MATN2: variants seen among roughly 807,000 people sequenced by gnomAD.
MATN2 encodes matrilin-2.
MATN2 carries 69 observed loss-of-function variants against 103.2 expected under a neutral mutation model. The observed-to-expected ratio is 0.67, with a 90% CI of 0.55 to 0.82. The LOEUF (loss-of-function observed/expected upper bound fraction) is 0.82, where lower values mean the gene tolerates loss of function less well. MATN2 is among the 40% of genes least tolerant of loss of function. The probability of loss-of-function intolerance (pLI) is 0.00; values close to 1 mark genes in which losing one functional copy is unlikely to be tolerated. For synonymous variants in MATN2, 429 were observed against 450.2 expected (o/e 0.95, Z 0.60); for missense variants, 1,023 against 1,211.5 (o/e 0.84, Z 2.31).
intron 6 of MATN2, among the ~76,000 whole-genome samples, chr8:97,990,255 A>G (rs905054242): frequency 6.6e-6 from 1 of 152,116 alleles, no homozygotes; most frequent in South Asian, 2.1e-4. Flanking sequence ...ACTTCACCAA[A>G]GAATATATAG....
intron 7 of MATN2, among the ~76,000 whole-genome samples, chr8:98,003,330 C>A (rs1164527751): frequency 6.6e-6 from 1 of 151,992 alleles, no homozygotes; most frequent in Non-Finnish European, 1.5e-5. Flanking sequence ...GGCCTTATCT[C>A]TTCTTGGAAG....
At chr8:97,970,080 C>G (rs112167475) in intron 5 of MATN2, among the ~76,000 whole-genome samples, 6 of 152,170 alleles carry the variant, frequency 3.9e-5, no homozygotes, top group South Asian at 2.1e-4. Flanking sequence ...TGTTATAGCT[C>G]CATGACTGCT....
chr8:97,890,255 A>G (rs375409538), intron 2 of MATN2, among the ~76,000 whole-genome samples: 18 of 152,166 alleles, frequency 1.2e-4, no homozygotes, highest in Middle Eastern at 3.2e-3. Flanking sequence ...TCACAAGGTC[A>G]GGAGTTCGAG....
intron 2 of MATN2, among the ~76,000 whole-genome samples, chr8:97,909,755 G>A (rs1819300418): frequency 2.6e-5 from 4 of 152,150 alleles, no homozygotes; most frequent in South Asian, 2.1e-4. Context: ...AGAGAGATGG[G>A]AGCCATTGGT....
At chr8:98,034,714 T>G (rs2513812) in intron 18 of MATN2, among the ~76,000 whole-genome samples, 2,281 of 152,234 alleles carry the variant, frequency 0.015, 33 homozygotes, top group Non-Finnish European at 0.023. Context: ...AGGTCAGAAT[T>G]CCTCAAAACC....
At chr8:97,951,796 CTTGT>C (rs972647146) in intron 4 of MATN2, among the ~76,000 whole-genome samples, 2 of 152,136 alleles carry the variant, frequency 1.3e-5, no homozygotes, top group African/African-American at 4.8e-5. Flanking sequence ...TATTTTAGAA[CTTGT>C]TTCAGAGATT....
intron 2 of MATN2, among the ~76,000 whole-genome samples, chr8:97,917,109 C>T (rs1467472516): frequency 6.6e-6 from 1 of 152,132 alleles, no homozygotes; most frequent in East Asian, 1.9e-4. Flanking sequence ...CTTTAGGGAG[C>T]ATCCTTGCTA....
chr8:98,012,761 A>G (rs975519564), intron 10 of MATN2, among the ~76,000 whole-genome samples: 17 of 152,206 alleles, frequency 1.1e-4, no homozygotes, highest in African/African-American at 3.9e-4. Flanking sequence ...CAGCTGGACC[A>G]GGGACACGGA....
Position 98,003,706 on chromosome 8 carries a change from G to A in MATN2, c.1250G>A (p.Cys417Tyr), listed in dbSNP as rs751265657. ...ALNKPGCEHECVNMEESYYCR... is the reference protein window; with the variant it reads ...ALNKPGCEHEYVNMEESYYCR... ...AACAAACCGGGCTGTGAGCATGAGT[G>A]CGTCAACATGGAGGAGAGCTACTAC... The change falls in exon 8 of 19, where the codon TGC becomes TAC. Residue 417 changes from cysteine (C) to tyrosine (Y), a missense_variant. Coordinates refer to ENST00000254898, the MANE Select transcript of MATN2 (RefSeq NM_002380.5). 2.5e-6 allele frequency: 4 copies of A among 1,613,848 alleles called. No individual in the cohort carries two copies. The highest frequency in any genetic ancestry group is 3.4e-6 in the Non-Finnish European group (4 of 1,179,864).
At chr8:97,943,549 C>T (rs1304791719) in intron 4 of MATN2, among the ~76,000 whole-genome samples, 1 of 152,052 alleles carries the variant, frequency 6.6e-6, no homozygotes, top group Non-Finnish European at 1.5e-5. Context: ...TTATGGCTCA[C>T]TGTACCCTCA....
chr8:98,024,523 C>T (rs957558723), intron 13 of MATN2, among the ~76,000 whole-genome samples: 5 of 152,012 alleles, frequency 3.3e-5, no homozygotes, highest in African/African-American at 1.2e-4. Context: ...ACAACAACAA[C>T]AACAAACAAA....
chr8:97,986,201 T>G lies in MATN2; in HGVS notation c.1081+7193T>G, dbSNP rs111384602. On this transcript the variant is annotated intron_variant, in intron 6 of 18. Coordinates refer to ENST00000254898, the MANE Select transcript of MATN2 (RefSeq NM_002380.5). ...AAGGCAATTAACATTTTAAGTCTTTTGATACATATTCAAAATTATTTTCTA... is the reference window on the plus strand; with the variant it reads ...AAGGCAATTAACATTTTAAGTCTTTGGATACATATTCAAAATTATTTTCTA... 1.5e-3 allele frequency among the ~76,000 whole-genome samples: 234 copies of G among 152,346 alleles called. 2 individuals are homozygous for G. The highest frequency in any genetic ancestry group is 5.3e-3 in the African/African-American group (219 of 41,584).
At chr8:97,911,487 T>C (rs1215990119) in intron 2 of MATN2, among the ~76,000 whole-genome samples, 1 of 151,784 alleles carries the variant, frequency 6.6e-6, no homozygotes, top group Non-Finnish European at 1.5e-5. Context: ...GGCAGGCGGA[T>C]CACGAGGTCA....
intron 4 of MATN2, among the ~76,000 whole-genome samples, chr8:97,953,028 TCTTCCTAC>T (rs1186622929): frequency 2.0e-5 from 3 of 148,992 alleles, no homozygotes; most frequent in African/African-American, 7.4e-5. Flanking sequence ...GCTGAAATGA[TCTTCCTAC>T]CTCAGCCTCC....
chr8:97,996,064 G>A (rs552114127), intron 7 of MATN2, among the ~76,000 whole-genome samples: 1 of 152,284 alleles, frequency 6.6e-6, no homozygotes, highest in East Asian at 1.9e-4. Flanking sequence ...CTCCCAGGTG[G>A]ACTCAAATTT....
At chr8:97,873,128 T>A (rs1227424522) in intron 1 of MATN2, among the ~76,000 whole-genome samples, 1 of 152,164 alleles carries the variant, frequency 6.6e-6, no homozygotes, top group Non-Finnish European at 1.5e-5. Flanking sequence ...GGCAACACAG[T>A]CTGGGGATTA....
At chr8:98,015,150 A>G (rs1586158658) in intron 10 of MATN2, among the ~76,000 whole-genome samples, 1 of 152,118 alleles carries the variant, frequency 6.6e-6, no homozygotes, top group African/African-American at 2.4e-5. Flanking sequence ...TGTCCTATCC[A>G]TATGGGCTCT....
At chr8:98,017,732 G>C (rs1273824787) in intron 11 of MATN2, among the ~76,000 whole-genome samples, 1 of 152,232 alleles carries the variant, frequency 6.6e-6, no homozygotes, top group Admixed American at 6.5e-5. Flanking sequence ...TATGTCTACA[G>C]AAAGTTGATG....
chr8:97,958,271 T>C (rs769142335), intron 4 of MATN2, among the ~76,000 whole-genome samples: 61 of 152,216 alleles, frequency 4.0e-4, no homozygotes, highest in Non-Finnish European at 7.6e-4. Context: ...AGACCCCTGA[T>C]GGGGCAAGGC....
Sources: allele counts gnomAD v4.1 joint callset (sites outside exome capture counted in the v4.1 genomes callset), GRCh38; gene constraint gnomAD v4.1.1; transcripts MANE v1.5; gene names NCBI Gene and HGNC (gene_info 2026-07-23, HGNC 2026-07-21).